ABCA4: variants seen among roughly 807,000 people sequenced by gnomAD.
The protein encoded by ABCA4 is ATP binding cassette subfamily A member 4.
Under a neutral mutation model 263.7 loss-of-function variants are expected in ABCA4, and 196 were observed. That is an observed-to-expected ratio of 0.74 (90% confidence interval 0.66 to 0.84). ABCA4 has a LOEUF of 0.84. ABCA4 is among the 40% of genes least tolerant of loss of function. ABCA4 has a pLI of 0.00. For missense variants in ABCA4, 2,792 were observed against 2,855.1 expected (o/e 0.98, Z 0.50); for synonymous variants, 1,133 against 1,094.2 (o/e 1.04, Z -0.70).
chr1:94,030,671 G>A, intron 28 of ABCA4, 145 bp from the exon 29 acceptor site: 3 of 852,830 alleles, frequency 3.5e-6, no homozygotes, highest in Non-Finnish European at 5.8e-6. Context: ...GCTCTCCTGG[G>A]AGTGCGGTAG....
chr1:94,021,901 C>T lies in ABCA4; in HGVS notation c.4718G>A (p.Gly1573Glu), dbSNP rs774279555. 2 of 1,614,192 alleles carry T rather than the reference C, an allele frequency of 1.2e-6. No individual in the cohort carries two copies. Among genetic ancestry groups the T allele is most frequent in the Non-Finnish European group, 1.7e-6 (2 of 1,180,036 alleles). The change falls in exon 33 of 50, where the codon GGG becomes GAG. Residue 1573 changes from glycine to glutamate, a missense_variant. Physicochemically the swap from Gly to Glu is moderately conservative, Grantham distance 98. Coordinates refer to ENST00000370225, the MANE Select transcript of ABCA4 (RefSeq NM_000350.3). Reference sequence around the variant, plus strand: ...GCTTAAAAACCCAACAAGTGCTTCCCCCGTGATGGGGACGACTGGGAGCTT... The same window carrying T: ...GCTTAAAAACCCAACAAGTGCTTCCTCCGTGATGGGGACGACTGGGAGCTT... ...GGKLPVVPITGEALVGFLSDL... is the reference protein window; with the variant it reads ...GGKLPVVPITEEALVGFLSDL...
chr1:93,999,204 C>T (rs890727209), intron 47 of ABCA4, among the ~76,000 whole-genome samples: 7 of 149,456 alleles, frequency 4.7e-5, no homozygotes, highest in African/African-American at 9.9e-5. Flanking sequence ...TACCACCATG[C>T]CCATCTAATT....
At chr1:94,084,989 C>T (rs749564907) in intron 6 of ABCA4, among the ~76,000 whole-genome samples, 4 of 152,118 alleles carry the variant, frequency 2.6e-5, no homozygotes, top group Non-Finnish European at 5.9e-5. Flanking sequence ...TGAAAAGAGA[C>T]CTGAGAGACA....
At chr1:94,077,544 A>C in intron 11 of ABCA4, 146 bp downstream of exon 11, 4 of 710,912 alleles carry the variant, frequency 5.6e-6, no homozygotes, top group Non-Finnish European at 6.9e-6. Context: ...GAGAATGAGA[A>C]CTGTACAGGG....
chr1:93,996,911 A>G (rs1454830369), intron 48 of ABCA4, among the ~76,000 whole-genome samples: 1 of 152,224 alleles, frequency 6.6e-6, no homozygotes, highest in Non-Finnish European at 1.5e-5. Context: ...ACACTGTATG[A>G]TTCCACTTAT....
chr1:94,047,339 A>G (rs927003174), intron 18 of ABCA4, among the ~76,000 whole-genome samples: 1 of 152,210 alleles, frequency 6.6e-6, no homozygotes, highest in African/African-American at 2.4e-5. Flanking sequence ...TACTCTTACA[A>G]TGGTCCTAAG....
Position 94,043,668 on chromosome 1 carries a change from A to G in ABCA4, c.3051-193T>C, listed in dbSNP as rs4847272. 0.014 allele frequency among the ~76,000 whole-genome samples: 2,087 copies of G among 152,336 alleles called. 19 individuals are homozygous for G. Among genetic ancestry groups the G allele is most frequent in the South Asian group, 0.056 (272 of 4,832 alleles). The stretch of plus-strand genomic sequence containing the variant: ...AATAAGAGGATGGCTTACATAGTTC[A>G]TGCATACAATGGAATAATCTGTAAA... On this transcript the variant is annotated intron_variant, in intron 20 of 49. Coordinates refer to ENST00000370225, the MANE Select transcript of ABCA4 (RefSeq NM_000350.3).
At chr1:94,087,268 A>G (rs1661856323) in intron 6 of ABCA4, among the ~76,000 whole-genome samples, 1 of 152,218 alleles carries the variant, frequency 6.6e-6, no homozygotes, top group South Asian at 2.1e-4. Context: ...TAAATGTATA[A>G]CATGAAGCAT....
chr1:94,005,310 A>C, intron 44 of ABCA4, 131 bp downstream of exon 44: 1 of 1,232,062 alleles, frequency 8.1e-7, no homozygotes, highest in Non-Finnish European at 1.2e-6. Context: ...CAGTAGACAC[A>C]TAGTAAACAT....
intron 15 of ABCA4, among the ~76,000 whole-genome samples, chr1:94,056,262 C>T (rs1336229040): frequency 6.6e-6 from 1 of 152,212 alleles, no homozygotes; most frequent in South Asian, 2.1e-4. Context: ...AAGCTCCCTC[C>T]CTTCTGATTC....
rs1660365201 is a variant in ABCA4 at position 94,037,284 on chromosome 1, A to G, written c.3674T>C (p.Ile1225Thr). 2 of 1,614,210 alleles carry G rather than the reference A, an allele frequency of 1.2e-6. No homozygotes were observed. Among genetic ancestry groups the G allele is most frequent in the East Asian group, 2.2e-5 (1 of 44,878 alleles). Residue 1225 changes from isoleucine (I) to threonine (T), a missense_variant, in exon 25 of 50, where the codon ATT becomes ACT. Ile to Thr is a moderately conservative substitution (Grantham distance 89, BLOSUM62 -1). Coordinates refer to ENST00000370225, the MANE Select transcript of ABCA4 (RefSeq NM_000350.3). Reference protein sequence around the residue: ...HVPEAKLVECIGQELIFLLPN... With the variant: ...HVPEAKLVECTGQELIFLLPN... Reference sequence around the variant, plus strand: ...AAGAAGGAAGATAAGTTCTTGACCAATGCACTCCACCAGCTTTGCCTCTGG... The same window carrying G: ...AAGAAGGAAGATAAGTTCTTGACCAGTGCACTCCACCAGCTTTGCCTCTGG...
chr1:94,085,305 G>A (rs1661801337), intron 6 of ABCA4, among the ~76,000 whole-genome samples: 1 of 152,178 alleles, frequency 6.6e-6, no homozygotes, highest in East Asian at 1.9e-4. Context: ...GAAGCTGGGT[G>A]ATAGATCCAT....
intron 4 of ABCA4, among the ~76,000 whole-genome samples, chr1:94,107,182 T>G (rs766873292): frequency 3.9e-5 from 6 of 152,150 alleles, no homozygotes; most frequent in South Asian, 2.1e-4. Flanking sequence ...CTCATCCCTG[T>G]TAACCTCTAA....
At position 94,014,445 on chromosome 1, in the gene ABCA4, G is replaced by C. The variant is rs1659665255; in HGVS notation, c.5460+98C>G. On this transcript the variant is annotated intron_variant, in intron 38 of 49. Transcript: ENST00000370225. ...AGAAAGTGGCACTCATCCGCATACA[G>C]CTGCTACATGTACGATGCTTGCCCC... 3 of 1,394,594 alleles carry C rather than the reference G, an allele frequency of 2.2e-6. No homozygotes were observed. The South Asian group carries it at 3.5e-5, about 16-fold the overall frequency. The allele number at this position is 1,394,594 out of a possible 1,614,324, so 86.4% of individuals were successfully genotyped here. A position where few individuals can be genotyped will look rare whatever the true frequency, so the allele number is the denominator to read the frequency against.
intron 26 of ABCA4, 142 bp from the exon 27 acceptor site, chr1:94,032,185 C>T (rs1241667828): frequency 2.0e-6 from 2 of 1,019,864 alleles, no homozygotes; most frequent in Non-Finnish European, 2.9e-6. Context: ...GCTTAATCAT[C>T]TTTATAAAAA....
Position 94,025,007 on chromosome 1 carries a change from G to A in ABCA4, c.4581C>T (p.Asp1527=). 6.2e-7 allele frequency: 1 copy of A among 1,614,166 alleles called. No individual in the cohort carries two copies. The highest frequency in any genetic ancestry group is 1.7e-5 in the Admixed American group (1 of 60,020). The change falls in exon 31 of 50, where the codon GAC becomes GAT. Residue 1527 remains aspartate, a synonymous_variant. Transcript: ENST00000370225. Reference sequence around the variant, plus strand: ...TTACCAAGAAGTCGGAGATGTTCCTGTCCGTCAGGTCTTGTAGAATTTCCG... The same window carrying A: ...TTACCAAGAAGTCGGAGATGTTCCTATCCGTCAGGTCTTGTAGAATTTCCG... ...RSTEILQDLT[D]RNISDFLVKT... is the part of the protein sequence containing the mutation.
chr1:94,041,925 G>T (rs1258186008), intron 22 of ABCA4, among the ~76,000 whole-genome samples: 1 of 151,864 alleles, frequency 6.6e-6, no homozygotes, highest in Non-Finnish European at 1.5e-5. Flanking sequence ...GTGAAACCCC[G>T]TCTCTACTAA....
At chr1:94,101,099 G>A (rs1388433497) in intron 5 of ABCA4, among the ~76,000 whole-genome samples, 2 of 152,228 alleles carry the variant, frequency 1.3e-5, no homozygotes, top group African/African-American at 4.8e-5. Flanking sequence ...TGGTGACCCC[G>A]GCCTCCATTC....
In ABCA4 at chr1:94,099,024, C is replaced by T. The variant is rs1230095270; in HGVS notation, c.571-33G>A. The T allele has an allele frequency of 4.4e-6, 7 of 1,586,628 alleles. No individual in the cohort carries two copies. In the East Asian group the frequency reaches 1.4e-4, roughly 31 times the overall value. On this transcript the variant is annotated intron_variant, in intron 5 of 49. Coordinates refer to ENST00000370225, the MANE Select transcript of ABCA4 (RefSeq NM_000350.3). ...GAGAAGAGGCAACACTAGAAACTGC[C>T]CTGTGGTAGGAAAGACACCCACGTC...
Sources: gnomAD v4.1 joint callset for allele counts (sites outside exome capture counted in the v4.1 genomes callset) on GRCh38, gnomAD v4.1.1 for gene constraint, MANE v1.5 for transcripts, NCBI Gene and HGNC (gene_info 2026-07-23, HGNC 2026-07-21) for gene names.